Variants in METAP2 observed in about 807,000 individuals in gnomAD.
The protein encoded by METAP2 is methionine aminopeptidase 2.
A neutral mutation model predicts 59.4 loss-of-function variants in METAP2; 25 were observed. That is an observed-to-expected ratio of 0.42 (90% CI 0.31 to 0.59). METAP2 has a LOEUF of 0.59. Among genes scored for constraint, METAP2 ranks in the 20% least tolerant of loss-of-function variants. The pLI is 0.16. For missense variants in METAP2, 366 were observed against 581.2 expected, an observed-to-expected ratio of 0.63 and a Z score of 3.81; for synonymous variants, 214 against 194.1, an observed-to-expected ratio of 1.10 and a Z score of -0.85.
chr12:95,477,795 C>G (rs999757032), intron 2 of METAP2, among the ~76,000 whole-genome samples: 1 of 152,150 alleles, frequency 6.6e-6, no homozygotes, highest in Non-Finnish European at 1.5e-5. Flanking sequence ...TCTCTGCCTT[C>G]AAGAAGCTTA....
Position 95,495,016 on chromosome 12 carries a change from T to C in METAP2, c.650T>C (p.Leu217Pro). The change falls in exon 6 of 11, where the codon CTG (leucine) becomes CCG (proline). Residue 217 changes from leucine (L) to proline (P), a missense_variant. By Grantham distance (98) the Leu-to-Pro change is moderately conservative. Coordinates refer to ENST00000323666, the MANE Select transcript of METAP2 (RefSeq NM_006838.4). Reference protein sequence around the residue: ...LIKENGLNAGLAFPTGCSLNN... With the variant: ...LIKENGLNAGPAFPTGCSLNN... ...AAAGAGAATGGATTAAATGCAGGCC[T>C]GGCATTTCCTACTGGATGTTCTCTC... The C allele has an allele frequency of 6.2e-7, 1 of 1,613,620 alleles. No individual in the cohort carries two copies. Among genetic ancestry groups the C allele is most frequent in the Non-Finnish European group, 8.5e-7 (1 of 1,179,576 alleles).
intron 7 of METAP2, among the ~76,000 whole-genome samples, chr12:95,498,294 C>T (rs912270939): frequency 2.0e-5 from 3 of 152,010 alleles, no homozygotes; most frequent in Non-Finnish European, 2.9e-5. Context: ...TTAATTGAGT[C>T]GTTTGTTGTT....
At chr12:95,509,681 GGTT>G (rs1412647272) in intron 8 of METAP2, among the ~76,000 whole-genome samples, 1 of 152,072 alleles carries the variant, frequency 6.6e-6, no homozygotes, top group Admixed American at 6.5e-5. Context: ...TATATAAGAA[GGTT>G]GTTGTGAAGA....
chr12:95,508,119 T>C (rs558069105), intron 8 of METAP2, among the ~76,000 whole-genome samples: 7 of 152,240 alleles, frequency 4.6e-5, no homozygotes, highest in East Asian at 1.9e-4. Context: ...CTTACTGTTA[T>C]GTGAAATTTT....
rs113129564 is a variant in METAP2, at chr12:95,503,155, A to G, written c.868-910A>G. 1.3e-3 allele frequency among the ~76,000 whole-genome samples: 200 copies of G among 152,200 alleles called. 1 individual carries two copies. The highest frequency in any genetic ancestry group is 4.2e-3 in the African/African-American group (173 of 41,522). On this transcript the variant is annotated intron_variant, in intron 7 of 10. Coordinates refer to ENST00000323666, the MANE Select transcript of METAP2 (RefSeq NM_006838.4). ...TTTATGTTGAACACTGCCTATTTCAATGTGATATGGTAATTCTGAAAATCA... is the reference window on the plus strand; with the variant it reads ...TTTATGTTGAACACTGCCTATTTCAGTGTGATATGGTAATTCTGAAAATCA...
chr12:95,497,851 G>A (rs1177409474), intron 7 of METAP2, among the ~76,000 whole-genome samples: 1 of 151,916 alleles, frequency 6.6e-6, no homozygotes, highest in Non-Finnish European at 1.5e-5. Flanking sequence ...ATGTAGGCCA[G>A]ATGTGGTGGC....
intron 2 of METAP2, among the ~76,000 whole-genome samples, chr12:95,482,563 G>A (rs2076166552): frequency 6.6e-6 from 1 of 150,560 alleles, no homozygotes; most frequent in South Asian, 2.1e-4. Context: ...CAAATCACTT[G>A]ATGTCAGGAG....
rs201902862 is a variant in METAP2 at position 95,485,567 on chromosome 12, AC to A, written c.326-310del. Among the ~76,000 whole-genome samples the A allele has an allele frequency of 3.6e-3, 545 of 152,178 alleles. 2 individuals carry two copies. The highest frequency in any genetic ancestry group is 0.013 in the African/African-American group (532 of 41,524). ...CTTTGGTTTGTATTTGTGAAAGCCA[AC>A]CTCTCTATGCTGTTCCATCTCTAGT... On this transcript the variant is annotated intron_variant, in intron 3 of 10. Transcript: ENST00000323666.
intron 1 of METAP2, 31 bp from the exon 2 acceptor site, chr12:95,476,040 G>C (rs2076115744): frequency 5.2e-6 from 7 of 1,356,446 alleles, no homozygotes; most frequent in Non-Finnish European, 6.2e-6. Context: ...GTCTGTATTA[G>C]ATTTGATTTC....
intron 2 of METAP2, among the ~76,000 whole-genome samples, chr12:95,481,641 G>A (rs977409187): frequency 6.6e-6 from 1 of 152,166 alleles, no homozygotes; most frequent in African/African-American, 2.4e-5. Context: ...AAGGTAATTA[G>A]CCTCAAAAGG....
intron 8 of METAP2, among the ~76,000 whole-genome samples, chr12:95,504,629 G>A (rs901101789): frequency 6.6e-6 from 1 of 151,736 alleles, no homozygotes; most frequent in Non-Finnish European, 1.5e-5. Context: ...TAGCCCTCCC[G>A]GGTAGTTGGG....
intron 2 of METAP2, among the ~76,000 whole-genome samples, chr12:95,479,297 G>T (rs1405062648): frequency 6.6e-6 from 1 of 152,196 alleles, no homozygotes; most frequent in East Asian, 1.9e-4. Flanking sequence ...GAATTCAAAA[G>T]ACTTGGAGAC....
At chr12:95,474,414 G>T in intron 1 of METAP2, 84 bp downstream of exon 1, 1 of 1,475,660 alleles carries the variant, frequency 6.8e-7, no homozygotes, top group South Asian at 1.3e-5. Context: ...GCCGGGACCG[G>T]GGCCCCAGAG....
rs1033047841 is a variant in METAP2 at position 95,515,730 on chromosome 12, A to G, written c.*1826A>G. The G allele has an allele frequency of 6.6e-6, 1 of 152,202 alleles. No homozygotes were observed. Among genetic ancestry groups the G allele is most frequent in the African/African-American group, 2.4e-5 (1 of 41,442 alleles). The allele number at this position is 152,202 out of a possible 1,614,324, so 9.4% of individuals were successfully genotyped here. On this transcript the variant is annotated 3_prime_UTR_variant, in exon 11 of 11. Transcript: ENST00000323666. ...AAATTGTATTGTTTGCTTATTAGCC[A>G]TGTATCTCTTAAAATTTTGTTATGT... is the stretch of plus-strand genomic sequence containing the variant.
chr12:95,492,132 T>TTGTG (rs61423721), intron 4 of METAP2, among the ~76,000 whole-genome samples: 35,651 of 149,162 alleles, frequency 0.24, 4,579 homozygotes, highest in African/African-American at 0.34. Flanking sequence ...ATATGTGTGT[T>TTGTG]TGTGTGTGTG....
At chr12:95,502,234 G>A (rs2076321923) in intron 7 of METAP2, among the ~76,000 whole-genome samples, 1 of 152,038 alleles carries the variant, frequency 6.6e-6, no homozygotes, top group Admixed American at 6.6e-5. Flanking sequence ...TTGAGCTCCT[G>A]GGTTCAAGTG....
chr12:95,477,183 G>T (rs1035045179), intron 2 of METAP2, among the ~76,000 whole-genome samples: 1 of 151,378 alleles, frequency 6.6e-6, no homozygotes, highest in African/African-American at 2.4e-5. Flanking sequence ...GGATCACTGC[G>T]ACCTCCCGAG....
intron 7 of METAP2, among the ~76,000 whole-genome samples, chr12:95,499,961 C>T (rs1173920785): frequency 2.0e-5 from 3 of 152,168 alleles, no homozygotes; most frequent in Non-Finnish European, 4.4e-5. Context: ...GGAACCACCC[C>T]CATGATCCTA....
Position 95,515,332 on chromosome 12 carries a change from A to G in METAP2, c.*1428A>G, listed in dbSNP as rs1344746795. 1 of 152,310 alleles carries G rather than the reference A, an allele frequency of 6.6e-6. No individual in the cohort carries two copies. The highest frequency in any genetic ancestry group is 1.5e-5 in the Non-Finnish European group (1 of 68,028). The allele number at this position is 152,310 out of a possible 1,614,324, so 9.4% of individuals were successfully genotyped here. On this transcript the variant is annotated 3_prime_UTR_variant, in exon 11 of 11. Transcript: ENST00000323666. ...TATGAGCTATGTTTATTATGGTGCT[A>G]ATGTTCAGTAGCCACATTTGACTAA... is the stretch of plus-strand genomic sequence containing the variant.
Sources: gnomAD v4.1 joint callset for allele counts (sites outside exome capture counted in the v4.1 genomes callset) on GRCh38, gnomAD v4.1.1 for gene constraint, MANE v1.5 for transcripts, NCBI Gene and HGNC (gene_info 2026-07-23, HGNC 2026-07-21) for gene names.